Variants in FRMD3 observed in about 807,000 individuals in gnomAD.
FRMD3 encodes the protein FERM domain containing 3.
Under a neutral mutation model 70.2 loss-of-function variants are expected in FRMD3, and 33 were observed. The ratio of observed to expected loss-of-function variants is 0.47; its 90% CI spans 0.36 to 0.63. The LOEUF (loss-of-function observed/expected upper bound fraction) is 0.63. Among genes scored for constraint, FRMD3 ranks in the 20% least tolerant of loss-of-function variants. The pLI, the probability that FRMD3 is intolerant of heterozygous loss-of-function variation, is 0.00. For missense variants in FRMD3, 632 were observed against 711.4 expected, an observed-to-expected ratio of 0.89 and a Z score of 1.27; for synonymous variants, 279 against 255.9, an observed-to-expected ratio of 1.09 and a Z score of -0.86.
intron 1 of FRMD3, among the ~76,000 whole-genome samples, chr9:83,500,076 G>A (rs149620238): frequency 4.7e-4 from 71 of 152,164 alleles, no homozygotes; most frequent in African/African-American, 1.7e-3. Context: ...GTTTCCAGGG[G>A]TCAGTGGAGA....
At chr9:83,262,003 A>T (rs1833016572) in intron 13 of FRMD3, among the ~76,000 whole-genome samples, 1 of 152,238 alleles carries the variant, frequency 6.6e-6, no homozygotes, top group South Asian at 2.1e-4. Context: ...AGCACTCAAT[A>T]ATATTACTAC....
chr9:83,528,542 T>A (rs1409417960), intron 1 of FRMD3, among the ~76,000 whole-genome samples: 2 of 152,288 alleles, frequency 1.3e-5, no homozygotes, highest in East Asian at 3.9e-4. Flanking sequence ...CCAGCAATTT[T>A]TTTTTTTGAG....
In FRMD3 at chr9:83,244,801, T is replaced by G. The variant is rs191531956; in HGVS notation, c.*3117A>C. The G allele has an allele frequency of 3.7e-4, 365 of 985,220 alleles. 2 individuals are homozygous for G. The African/African-American group carries it at 5.9e-3, about 16-fold the overall frequency. The allele number at this position is 985,220 out of a possible 1,614,324, so 61.0% of individuals were successfully genotyped here. A position where few individuals can be genotyped will look rare whatever the true frequency, so the allele number is the denominator to read the frequency against. On this transcript the variant is annotated 3_prime_UTR_variant, in exon 14 of 14. Transcript: ENST00000304195. ...AAACTCATTGTGAATTCACCCCGAG[T>G]TGTGTTTATAAATATTAGACAAACC...
At chr9:83,535,404 G>A (rs540756272) in intron 1 of FRMD3, among the ~76,000 whole-genome samples, 73 of 152,254 alleles carry the variant, frequency 4.8e-4, no homozygotes, top group African/African-American at 1.7e-3. Flanking sequence ...AGCTCCCAAG[G>A]ATGTGTGGCT....
At chr9:83,471,949 C>T (rs1182827770) in intron 1 of FRMD3, among the ~76,000 whole-genome samples, 1 of 152,102 alleles carries the variant, frequency 6.6e-6, no homozygotes, top group Non-Finnish European at 1.5e-5. Flanking sequence ...GCCTTGTATC[C>T]TTAAATCCAC....
At chr9:83,506,801 AATAAT>A (rs1829192124) in intron 1 of FRMD3, among the ~76,000 whole-genome samples, 1 of 152,176 alleles carries the variant, frequency 6.6e-6, no homozygotes, top group South Asian at 2.1e-4. Context: ...TGACTTTTGT[AATAAT>A]ACTTAGCTTA....
intron 1 of FRMD3, among the ~76,000 whole-genome samples, chr9:83,469,527 C>T (rs976266823): frequency 6.6e-6 from 1 of 152,236 alleles, no homozygotes; most frequent in East Asian, 1.9e-4. Context: ...AAAAAGGAGT[C>T]ATCTCTTATT....
intron 3 of FRMD3, among the ~76,000 whole-genome samples, chr9:83,361,731 C>T (rs1044011667): frequency 2.0e-5 from 3 of 151,850 alleles, no homozygotes; most frequent in Non-Finnish European, 4.4e-5. Flanking sequence ...TAGGGTGGTC[C>T]CTAAATCCAT....
intron 12 of FRMD3, among the ~76,000 whole-genome samples, chr9:83,292,716 C>T (rs143555580): frequency 0.012 from 1,757 of 152,110 alleles, 36 homozygotes; most frequent in African/African-American, 0.04. Flanking sequence ...GGTACGATCT[C>T]GGCTCACTAC....
intron 13 of FRMD3, among the ~76,000 whole-genome samples, chr9:83,261,130 C>CACACACACAG (rs1832970501): frequency 7.2e-6 from 1 of 139,146 alleles, no homozygotes; most frequent in Admixed American, 7.2e-5. Flanking sequence ...CACACACACA[C>CACACACACAG]ACACACACAC....
At chr9:83,315,802 C>T (rs1264631454) in intron 6 of FRMD3, among the ~76,000 whole-genome samples, 1 of 152,190 alleles carries the variant, frequency 6.6e-6, no homozygotes, top group African/African-American at 2.4e-5. Flanking sequence ...GTTCTAGGCA[C>T]GCACACCGGG....
intron 1 of FRMD3, among the ~76,000 whole-genome samples, chr9:83,522,713 G>A (rs1355060703): frequency 2.6e-5 from 4 of 151,560 alleles, no homozygotes; most frequent in African/African-American, 7.3e-5. Flanking sequence ...ACAGGCGCCC[G>A]CCACCCCGCC....
At chr9:83,351,880 C>T (rs1478476133) in intron 3 of FRMD3, among the ~76,000 whole-genome samples, 1 of 152,186 alleles carries the variant, frequency 6.6e-6, no homozygotes, top group African/African-American at 2.4e-5. Context: ...TTGCCATCCT[C>T]ACACAAATAT....
At chr9:83,560,407 G>C in the FRMD3 span, among the ~76,000 whole-genome samples, 5 of 152,134 alleles carry the variant, frequency 3.3e-5, no homozygotes, top group African/African-American at 1.2e-4. Flanking sequence ...TTCAGCCGGG[G>C]CCCCAGAACA....
At chr9:83,282,346 A>T (rs889999168) in intron 13 of FRMD3, among the ~76,000 whole-genome samples, 1 of 152,224 alleles carries the variant, frequency 6.6e-6, no homozygotes, top group Non-Finnish European at 1.5e-5. Flanking sequence ...AGGTACTTTT[A>T]TCATCGTCTA....
At chr9:83,372,687 TG>T (rs551535285) in intron 3 of FRMD3, among the ~76,000 whole-genome samples, 33 of 151,976 alleles carry the variant, frequency 2.2e-4, no homozygotes, top group Admixed American at 5.9e-4. Context: ...GAGGGCAAGA[TG>T]GGGGGGAGGG....
chr9:83,422,933 G>A (rs1477417366), intron 1 of FRMD3, among the ~76,000 whole-genome samples: 1 of 152,200 alleles, frequency 6.6e-6, no homozygotes, highest in Admixed American at 6.5e-5. Context: ...GATTGCTTAG[G>A]CCACCAGGCC....
chr9:83,537,005 C>T lies in FRMD3; in HGVS notation c.147+1080G>A, dbSNP rs980977836. On this transcript the variant is annotated intron_variant, in intron 1 of 13. Coordinates refer to ENST00000304195, the MANE Select transcript of FRMD3 (RefSeq NM_174938.6). This position sits in a 1 kb window ranked among gnomAD's most constrained non-coding sequence, Gnocchi z 4.1. ...ACTAGGGTAGGTGAGAAAGGAAATCCCAGAGATAAACAGTTAAATAGATTT... is the reference window on the plus strand; with the variant it reads ...ACTAGGGTAGGTGAGAAAGGAAATCTCAGAGATAAACAGTTAAATAGATTT... Among the ~76,000 whole-genome samples, 7 of 149,392 alleles carry T rather than the reference C, an allele frequency of 4.7e-5. No homozygotes were observed.
intron 1 of FRMD3, among the ~76,000 whole-genome samples, chr9:83,414,584 A>C (rs528401878): frequency 2.6e-5 from 4 of 152,244 alleles, no homozygotes; most frequent in African/African-American, 9.6e-5. Flanking sequence ...CAATACTTTT[A>C]TCTGACAAAA....
Sources: gnomAD v4.1 joint callset for allele counts (sites outside exome capture counted in the v4.1 genomes callset) on GRCh38, gnomAD v4.1.1 for gene constraint, Gnocchi (gnomAD v3.1) non-coding constraint, MANE v1.5 for transcripts, NCBI Gene and HGNC (gene_info 2026-07-23, HGNC 2026-07-21) for gene names.